The following ITPR3 variants were observed in gnomAD, a reference collection of about 807,000 sequenced individuals.
ITPR3 encodes the protein inositol 1,4,5-trisphosphate-gated calcium channel ITPR3.
A neutral mutation model predicts 293.2 loss-of-function variants in ITPR3; 173 were observed. The ratio of observed to expected loss-of-function variants is 0.59; its 90% CI spans 0.52 to 0.67. The LOEUF is 0.67. ITPR3 is among the 30% of genes least tolerant of loss of function. The pLI is 0.00. For missense variants in ITPR3, 2,796 were observed against 3,592.1 expected, an observed-to-expected ratio of 0.78 and a Z score of 5.66; for synonymous variants, 1,295 against 1,444.4, an observed-to-expected ratio of 0.90 and a Z score of 2.35.
At chr6:33,669,229 C>G in intron 18 of ITPR3, 73 bp downstream of exon 18, 1 of 1,489,476 alleles carries the variant, frequency 6.7e-7, no homozygotes, top group Non-Finnish European at 9.1e-7. Context: ...CAGTCAATCC[C>G]TGCTGAGGAT....
rs1043270378 is a variant in ITPR3, at chr6:33,654,649, G to A, written c.161-1117G>A. On this transcript the variant is annotated intron_variant, in intron 2 of 57. Transcript: ENST00000605930. The surrounding 1 kb of genome is among the most constrained non-coding windows in gnomAD (Gnocchi z 4.1). ...AAGGGGTTTTGTTTCTGGGACCCTC[G>A]AGTGGCTCTCTCCTCTCCAGTCTCC... 2.0e-5 allele frequency among the ~76,000 whole-genome samples: 3 copies of A among 152,126 alleles called. No individual in the cohort carries two copies. The highest frequency in any genetic ancestry group is 1.9e-4 in the East Asian group (1 of 5,200).
rs141660324 is a variant in ITPR3, at chr6:33,636,924, C to T, written c.90-3560C>T. On this transcript the variant is annotated intron_variant, in intron 1 of 57. Transcript: ENST00000605930. ...GGAGACAGAGGACCCTCTGCCGTCC[C>T]GTCATTCTGCAGTCCTGCACAGCGC... 7.1e-3 allele frequency among the ~76,000 whole-genome samples: 1,082 copies of T among 152,254 alleles called. 13 individuals are homozygous for T. The highest frequency in any genetic ancestry group is 0.024 in the African/African-American group (1,014 of 41,534).
In ITPR3 at chr6:33,655,418, T is replaced by C. The variant is rs998856402; in HGVS notation, c.161-348T>C. On this transcript the variant is annotated intron_variant, in intron 2 of 57. Transcript: ENST00000605930. The surrounding 1 kb of genome is among the most constrained non-coding windows in gnomAD (Gnocchi z 4.9). ...GGCAATTAGCTAAAGAGGATGCAGA[T>C]GTGAGCTGTTAGCTGCCAATACTCA... 2.6e-5 allele frequency among the ~76,000 whole-genome samples: 4 copies of C among 152,146 alleles called. No individual in the cohort carries two copies. Among genetic ancestry groups the C allele is most frequent in the Non-Finnish European group, 5.9e-5 (4 of 68,024 alleles).
chr6:33,658,664 C>A lies in ITPR3; in HGVS notation c.370-6C>A. The A allele has an allele frequency of 6.2e-7, 1 of 1,613,752 alleles. No homozygotes were observed. ...GTGACCTTCCCGCACCCCACCTGAC[C>A]CCCAGCTCCTGCACATGAAGAGCAA... On this transcript the variant is annotated splice_polypyrimidine_tract_variant and splice_region_variant and intron_variant, in intron 4 of 57. Transcript: ENST00000605930. The surrounding 1 kb of genome is among the most constrained non-coding windows in gnomAD (Gnocchi z 6.1).
At chr6:33,657,739 C>T (rs1764345097) in intron 3 of ITPR3, among the ~76,000 whole-genome samples, 193 bp from the exon 4 acceptor site, 2 of 151,758 alleles carry the variant, frequency 1.3e-5, no homozygotes, top group Admixed American at 1.3e-4. Context: ...CTGCCTTCTG[C>T]ACTCAGAGTG....
At chr6:33,628,956 T>C (rs1450463317) in intron 1 of ITPR3, among the ~76,000 whole-genome samples, 1 of 152,160 alleles carries the variant, frequency 6.6e-6, no homozygotes, top group Non-Finnish European at 1.5e-5. Context: ...ATGGGGGTGA[T>C]ATAGGTAATG....
Position 33,690,952 on chromosome 6 carries a change from C to T in ITPR3, c.7068C>T (p.Phe2356=), listed in dbSNP as rs746083317. 6.2e-7 allele frequency: 1 copy of T among 1,614,082 alleles called. No homozygotes were observed. The highest frequency in any genetic ancestry group is 2.2e-5 in the East Asian group (1 of 44,896). The change falls in exon 52 of 58, where the codon TTC becomes TTT. Residue 2356 remains phenylalanine (F), a synonymous_variant. Coordinates refer to ENST00000605930, the MANE Select transcript of ITPR3 (RefSeq NM_002224.4). ...TCATCTACCGCGAGGAGACGCTGTT[C>T]AACGTCATCAAGAGTGTGACCCGCA... is the stretch of plus-strand genomic sequence containing the variant. The part of the protein sequence containing the change: ...FDLIYREETL[F]NVIKSVTRNG...
At position 33,688,801 on chromosome 6, in the gene ITPR3, C is replaced by T. The variant is rs111522866; in HGVS notation, c.6694+20C>T. 3.8e-3 allele frequency: 6,151 copies of T among 1,614,000 alleles called. 114 individuals carry two copies. Among genetic ancestry groups the T allele is most frequent in the South Asian group, 0.035 (3,142 of 91,054 alleles). ...CCACAGGTGAGAACACAGGGCTGGC[C>T]GGCAGGTTCCCCGGGCCCTGCCATG... On this transcript the variant is annotated intron_variant, in intron 49 of 57. Coordinates refer to ENST00000605930, the MANE Select transcript of ITPR3 (RefSeq NM_002224.4).
Position 33,678,650 on chromosome 6 carries a change from A to G in ITPR3, c.3783A>G (p.Ala1261=), listed in dbSNP as rs1188356423. Residue 1261 remains alanine, a synonymous_variant, in exon 30 of 58, where the codon GCA becomes GCG. Coordinates refer to ENST00000605930, the MANE Select transcript of ITPR3 (RefSeq NM_002224.4). ...HLFLTPGLLE[A]ETMQHIFLNN... ...GCCCCCCACTGCAGCTCCTGGAGGC[A>G]GAGACCATGCAGCACATCTTCCTGA... 1 of 1,612,594 alleles carries G rather than the reference A, an allele frequency of 6.2e-7. No individual in the cohort carries two copies. Among genetic ancestry groups the G allele is most frequent in the Non-Finnish European group, 8.5e-7 (1 of 1,179,706 alleles).
chr6:33,686,320 A>C, intron 42 of ITPR3, 67 bp downstream of exon 42: 2 of 1,597,790 alleles, frequency 1.3e-6, no homozygotes, highest in Non-Finnish European at 8.6e-7. Context: ...AGATGGAGCC[A>C]GCTGGGGCAG....
At position 33,691,113 on chromosome 6, in the gene ITPR3, T is replaced by C. The variant is rs1224727188; in HGVS notation, c.7225+4T>C. ...CTGCCCAACAACCACTCCACAGGTC[T>C]TGGAGGCTTCCTCTCCTGGGCAGGT... On this transcript the variant is annotated splice_donor_region_variant and intron_variant, in intron 52 of 57. Coordinates refer to ENST00000605930, the MANE Select transcript of ITPR3 (RefSeq NM_002224.4). This position sits in a 1 kb window ranked among gnomAD's most constrained non-coding sequence, Gnocchi z 4.9. 6.2e-7 allele frequency: 1 copy of C among 1,613,794 alleles called. No homozygotes were observed. The highest frequency in any genetic ancestry group is 8.5e-7 in the Non-Finnish European group (1 of 1,179,826).
chr6:33,635,275 G>T (rs757004541), intron 1 of ITPR3, among the ~76,000 whole-genome samples: 1 of 152,122 alleles, frequency 6.6e-6, no homozygotes. Context: ...CCACCAGTCG[G>T]CTCTGATACA....
rs1476459045 is a variant in ITPR3 at position 33,644,663 on chromosome 6, T to G, written c.160+4109T>G. Among the ~76,000 whole-genome samples the G allele has an allele frequency of 2.0e-4, 4 of 20,072 alleles. No individual in the cohort carries two copies. In the South Asian group the frequency reaches 2.5e-3, roughly 12 times the overall value. 13.2% of individuals were successfully genotyped at this position (20,072 alleles called of 152,430 possible). On this transcript the variant is annotated intron_variant, in intron 2 of 57. Coordinates refer to ENST00000605930, the MANE Select transcript of ITPR3 (RefSeq NM_002224.4). ...GGGATGTAACTGTGCACAATATAGG[T>G]TTTTTTTTTTTTTTTTTTGAGACAG...
At chr6:33,647,763 CT>C (rs1215497778) in intron 2 of ITPR3, among the ~76,000 whole-genome samples, 4 of 152,198 alleles carry the variant, frequency 2.6e-5, no homozygotes, top group African/African-American at 9.7e-5. Flanking sequence ...AGCAGTCCCC[CT>C]GATGGACTCT....
rs750245090 is a variant in ITPR3, at chr6:33,680,578, C to T, written c.4374C>T (p.Arg1458=). ...MARVCSKREK[R]VADPTLEKYV... ...AGGTCTGCAGCAAGCGTGAGAAGCG[C>T]GTGGCTGACCCCACCTTGGAGAAGT... Residue 1458 remains arginine (R), a synonymous_variant, in exon 33 of 58, where the codon CGC becomes CGT. Transcript: ENST00000605930. 9.9e-6 allele frequency: 16 copies of T among 1,613,946 alleles called. No individual in the cohort carries two copies. The highest frequency in any genetic ancestry group is 6.7e-5 in the East Asian group (3 of 44,880).
intron 16 of ITPR3, 55 bp downstream of exon 16, chr6:33,668,019 G>A: frequency 6.3e-7 from 1 of 1,583,912 alleles, no homozygotes; most frequent in South Asian, 1.1e-5. Flanking sequence ...TCCCTTGCCT[G>A]GGTAGAAACT....
chr6:33,682,609 C>A lies in ITPR3; in HGVS notation c.4562C>A (p.Ser1521Tyr). The A allele has an allele frequency of 6.3e-7, 1 of 1,598,054 alleles. No homozygotes were observed. The highest frequency in any genetic ancestry group is 8.5e-7 in the Non-Finnish European group (1 of 1,173,346). The change falls in exon 34 of 58, where the codon TCC becomes TAC. Residue 1521 changes from serine (S) to tyrosine (Y), a missense_variant. By Grantham distance (144) the Ser-to-Tyr change is moderately radical (BLOSUM62 -2). Around this residue, in one of 8 missense-constraint regions of ITPR3, gnomAD observed 704 missense variants for 797.5 expected, o/e 0.88. Coordinates refer to ENST00000605930, the MANE Select transcript of ITPR3 (RefSeq NM_002224.4). This position sits in a 1 kb window ranked among gnomAD's most constrained non-coding sequence, Gnocchi z 5.4. ...CPWLQQQHKG[S>Y]VEACIRTLAM... ...TGGCTACAGCAGCAGCACAAGGGCT[C>A]CGTGGAGGCCTGCATCCGGACCCTC... is the stretch of plus-strand genomic sequence containing the variant.
At position 33,687,989 on chromosome 6, in the gene ITPR3, G is replaced by T; in HGVS notation, c.6265-68G>T. The T allele has an allele frequency of 1.6e-6, 2 of 1,269,528 alleles. No individual in the cohort carries two copies. Among genetic ancestry groups the T allele is most frequent in the Non-Finnish European group, 2.2e-6 (2 of 890,056 alleles). The allele number at this position is 1,269,528 out of a possible 1,614,324, so 78.6% of individuals were successfully genotyped here. Reference sequence around the variant, plus strand: ...TCAGAGCTAGGCGAAGGCCTGGGAGGGTGGGGGCTGAGTGCCAGCCTGGAT... The same window carrying T: ...TCAGAGCTAGGCGAAGGCCTGGGAGTGTGGGGGCTGAGTGCCAGCCTGGAT... On this transcript the variant is annotated intron_variant, in intron 46 of 57. Coordinates refer to ENST00000605930, the MANE Select transcript of ITPR3 (RefSeq NM_002224.4). The surrounding 1 kb of genome is among the most constrained non-coding windows in gnomAD (Gnocchi z 5.3).
At chr6:33,689,468 A>G in intron 50 of ITPR3, 58 bp downstream of exon 50, 1 of 1,580,468 alleles carries the variant, frequency 6.3e-7, no homozygotes, top group Non-Finnish European at 8.6e-7. Flanking sequence ...GTGCATTCAG[A>G]CGGCAAGCTG....
Sources: allele counts gnomAD v4.1 joint callset (sites outside exome capture counted in the v4.1 genomes callset), GRCh38; gene constraint gnomAD v4.1.1; regional missense constraint gnomAD v4.1.1; non-coding constraint Gnocchi (gnomAD v3.1); transcripts MANE v1.5; gene names NCBI Gene and HGNC (gene_info 2026-07-23, HGNC 2026-07-21).